The following INPP5B variants were observed in gnomAD, a reference collection of about 807,000 sequenced individuals.
The protein encoded by INPP5B is inositol polyphosphate-5-phosphatase B.
Under a neutral mutation model 118.5 loss-of-function variants are expected in INPP5B, and 90 were observed. The observed-to-expected ratio is 0.76, with a 90% CI of 0.64 to 0.90. The LOEUF (loss-of-function observed/expected upper bound fraction) is 0.90, where lower values mean the gene tolerates loss of function less well. Ranked by LOEUF, INPP5B falls within the 40% of genes least tolerant of loss-of-function variation. INPP5B has a pLI of 0.00. For missense variants in INPP5B, 984 were observed against 1,125.6 expected (o/e 0.87, Z 1.80); for synonymous variants, 385 against 418.9 (o/e 0.92, Z 0.99).
chr1:37,881,826 G>A (rs770618148), intron 14 of INPP5B, among the ~76,000 whole-genome samples: 2 of 152,134 alleles, frequency 1.3e-5, no homozygotes, highest in African/African-American at 2.4e-5. Context: ...GAGGCTGGGC[G>A]CGGTGGCTCA....
chr1:37,864,423 C>T lies in INPP5B; in HGVS notation c.2515G>A (p.Val839Ile), dbSNP rs751058893. 2 of 1,569,274 alleles carry T rather than the reference C, an allele frequency of 1.3e-6. No individual in the cohort carries two copies. Among genetic ancestry groups the T allele is most frequent in the Non-Finnish European group, 1.8e-6 (2 of 1,140,152 alleles). ...TGGAATATGGGGAGAGTAGAAATGA[C>T]CTGAAAGAGGAAGAACCGGGATTTG... ...CSGNYTASKQ[V>I]ISTLPIFHKN... Residue 839 changes from valine to isoleucine, a missense_variant and splice_region_variant, in exon 23 of 24, where the codon GTC (valine) becomes ATC (isoleucine). Around this residue, in one of 2 missense-constraint regions of INPP5B, gnomAD observed 634 missense variants for 791.0 expected, o/e 0.80. Transcript: ENST00000373024.
chr1:37,945,808 G>A lies in INPP5B; in HGVS notation c.100C>T (p.Arg34Cys), dbSNP rs774431618. ...CGGTAGCGCACGAGTCCCAGGAGGC[G>A]GCTCTGCCGGCTGTCCCCCTCACAC... Reference protein sequence around the residue: ...VLCEGDSRQSRLLGLVRYRLE... With the variant: ...VLCEGDSRQSCLLGLVRYRLE... The change falls in exon 3 of 24, where the codon CGC becomes TGC. Residue 34 changes from arginine to cysteine, a missense_variant. Physicochemically the swap from Arg to Cys is radical, Grantham distance 180. This residue lies in a region of INPP5B where 350 missense variants were observed against 334.6 expected (regional missense o/e 1.05). Coordinates refer to ENST00000373024, the MANE Select transcript of INPP5B (RefSeq NM_005540.3). The A allele has an allele frequency of 1.4e-5, 22 of 1,613,866 alleles. No homozygotes were observed. The highest frequency in any genetic ancestry group is 1.7e-5 in the Admixed American group (1 of 59,994).
chr1:37,875,944 C>A lies in INPP5B; in HGVS notation c.1678-228G>T, dbSNP rs60439773. 0.02 allele frequency among the ~76,000 whole-genome samples: 3,104 copies of A among 152,258 alleles called. 109 individuals carry two copies. The highest frequency in any genetic ancestry group is 0.071 in the African/African-American group (2,943 of 41,530). ...GCTTCCTGATTACCAGAAAAAAATA[C>A]ATGGAAGTGAAAGCATGGTTAGCAG... On this transcript the variant is annotated intron_variant, in intron 16 of 23. Transcript: ENST00000373024.
chr1:37,944,677 G>A (rs1646053820), intron 3 of INPP5B, among the ~76,000 whole-genome samples: 1 of 151,332 alleles, frequency 6.6e-6, no homozygotes, highest in Admixed American at 6.6e-5. Context: ...AAACTCCTCG[G>A]CTCATGTGAT....
At chr1:37,875,419 C>T (rs1642729514) in intron 17 of INPP5B, among the ~76,000 whole-genome samples, 187 bp downstream of exon 17, 2 of 152,158 alleles carry the variant, frequency 1.3e-5, no homozygotes, top group Admixed American at 1.3e-4. Context: ...CAGGTGCCGA[C>T]CACCACGCCC....
intron 13 of INPP5B, chr1:37,883,674 A>G: frequency 1.0e-6 from 1 of 985,428 alleles, no homozygotes; most frequent in South Asian, 4.7e-5. Context: ...ACAAACTAGG[A>G]TGCTGCAGGT....
chr1:37,889,506 G>T, intron 9 of INPP5B, 51 bp downstream of exon 9: 1 of 1,446,152 alleles, frequency 6.9e-7, no homozygotes, highest in Non-Finnish European at 9.5e-7. Context: ...AAATTCCAGA[G>T]TGCCAAATGA....
chr1:37,929,274 T>C (rs1645357327), intron 7 of INPP5B: 1 of 151,970 alleles, frequency 6.6e-6, no homozygotes, highest in Admixed American at 6.6e-5. Context: ...CATGTGCCAC[T>C]ACACCCATCT....
intron 7 of INPP5B, among the ~76,000 whole-genome samples, chr1:37,913,569 G>T (rs975473559): frequency 2.6e-5 from 4 of 151,944 alleles, no homozygotes; most frequent in African/African-American, 9.7e-5. Context: ...TATGACAAAT[G>T]CTCCTTCTAA....
chr1:37,887,797 C>T (rs974314218), intron 10 of INPP5B, among the ~76,000 whole-genome samples: 1 of 151,806 alleles, frequency 6.6e-6, no homozygotes, highest in Non-Finnish European at 1.5e-5. Context: ...TAGTTCTTTT[C>T]AATATACCAT....
intron 2 of INPP5B, 81 bp downstream of exon 2, chr1:37,946,171 G>C: frequency 1.5e-6 from 2 of 1,319,750 alleles, no homozygotes; most frequent in Non-Finnish European, 2.1e-6. Context: ...GGCAGGAGAG[G>C]GGATAGACAC....
chr1:37,868,623 C>A lies in INPP5B; in HGVS notation c.2188-9G>T, dbSNP rs1168595015. 1 of 1,565,858 alleles carries A rather than the reference C, an allele frequency of 6.4e-7. No individual in the cohort carries two copies. Among genetic ancestry groups the A allele is most frequent in the Admixed American group, 1.7e-5 (1 of 59,932 alleles). On this transcript the variant is annotated splice_polypyrimidine_tract_variant and intron_variant, in intron 19 of 23. Transcript: ENST00000373024. ...CATACTGGCATCAGAGTCTGGAAAGCAATCAAGATCATGACAGAACTTCTG... is the reference window on the plus strand; with the variant it reads ...CATACTGGCATCAGAGTCTGGAAAGAAATCAAGATCATGACAGAACTTCTG...
chr1:37,944,595 C>T (rs1410774018), intron 3 of INPP5B, among the ~76,000 whole-genome samples: 1 of 144,420 alleles, frequency 6.9e-6, no homozygotes, highest in Non-Finnish European at 1.5e-5. Context: ...TTTTTTTTTT[C>T]TTGTTTTTTT....
chr1:37,917,110 G>A (rs1276277813), intron 7 of INPP5B, among the ~76,000 whole-genome samples: 1 of 149,722 alleles, frequency 6.7e-6, no homozygotes. Context: ...CCAACATGGT[G>A]AAACCCCGTC....
rs1015164806 is a variant in INPP5B, at chr1:37,889,620, T to C, written c.734A>G (p.Asp245Gly). ...ILSMQKFGLR[D>G]TIVKSHLLQK... is the part of the protein sequence containing the mutation. Reference sequence around the variant, plus strand: ...TAGTAGATGTGATTTCACAATTGTATCTCGCAGTCCAAACTTCTGCATGGA... The same window carrying C: ...TAGTAGATGTGATTTCACAATTGTACCTCGCAGTCCAAACTTCTGCATGGA... The change falls in exon 9 of 24, where the codon GAT becomes GGT. Residue 245 changes from aspartate (D) to glycine (G), a missense_variant. By Grantham distance (94) the Asp-to-Gly change is moderately conservative. Coordinates refer to ENST00000373024, the MANE Select transcript of INPP5B (RefSeq NM_005540.3). 1.9e-6 allele frequency: 3 copies of C among 1,613,890 alleles called. No homozygotes were observed. The highest frequency in any genetic ancestry group is 2.5e-6 in the Non-Finnish European group (3 of 1,179,884).
rs556592311 is a variant in INPP5B, at chr1:37,913,269, C to T, written c.532+18644G>A. On this transcript the variant is annotated intron_variant, in intron 7 of 23. Transcript: ENST00000373024. ...AAGAGTCTGTCTCAAAAAACAAAAA[C>T]AAAAACAACAAAAAACATTTTTTAA... 2.0e-3 allele frequency among the ~76,000 whole-genome samples: 301 copies of T among 152,194 alleles called. 2 individuals are homozygous for T. Among genetic ancestry groups the T allele is most frequent in the Non-Finnish European group, 3.0e-3 (206 of 68,008 alleles).
intron 17 of INPP5B, among the ~76,000 whole-genome samples, chr1:37,874,817 A>C (rs768016960): frequency 2.0e-5 from 3 of 152,170 alleles, no homozygotes; most frequent in Middle Eastern, 3.4e-3. Flanking sequence ...CCAAACAAAA[A>C]ACGCCTTCAC....
At chr1:37,885,414 GAAA>G (rs999406770) in intron 13 of INPP5B, 14 of 363,900 alleles carry the variant, frequency 3.8e-5, no homozygotes, top group East Asian at 1.4e-4. Context: ...ACTCCATCTC[GAAA>G]AAAAAAAAAG....
intron 8 of INPP5B, 136 bp from the exon 9 acceptor site, chr1:37,889,860 C>T: frequency 1.8e-6 from 1 of 565,240 alleles, no homozygotes; most frequent in East Asian, 2.8e-5. Flanking sequence ...AATTTATCTA[C>T]TAAAACAACA....
Sources: gnomAD v4.1 joint callset for allele counts (sites outside exome capture counted in the v4.1 genomes callset) on GRCh38, gnomAD v4.1.1 for gene constraint, gnomAD v4.1.1 regional missense constraint, MANE v1.5 for transcripts, NCBI Gene and HGNC (gene_info 2026-07-23, HGNC 2026-07-21) for gene names.